Variants in ZFAND3 observed in about 807,000 individuals in gnomAD.
ZFAND3 encodes the protein AN1-type zinc finger protein 3.
In ZFAND3, 10 loss-of-function variants were observed where a neutral mutation model predicts 29.6. The observed-to-expected ratio is 0.34, with a 90% CI of 0.21 to 0.57. The LOEUF (loss-of-function observed/expected upper bound fraction) is 0.57, where lower values mean the gene tolerates loss of function less well. ZFAND3 is among the 20% of genes least tolerant of loss of function. ZFAND3 has a pLI of 0.86. For missense variants in ZFAND3, 230 were observed against 304.5 expected, an observed-to-expected ratio of 0.76 and a Z score of 1.82; for synonymous variants, 128 against 112.6, an observed-to-expected ratio of 1.14 and a Z score of -0.87.
chr6:37,966,810 G>A (rs560061477), intron 2 of ZFAND3, among the ~76,000 whole-genome samples: 19 of 152,172 alleles, frequency 1.2e-4, no homozygotes, highest in African/African-American at 4.1e-4. Flanking sequence ...TATAGCACAC[G>A]TCCCCATAAT....
At chr6:37,900,716 A>G (rs1181699277) in intron 1 of ZFAND3, among the ~76,000 whole-genome samples, 1 of 152,206 alleles carries the variant, frequency 6.6e-6, no homozygotes, top group Non-Finnish European at 1.5e-5. Context: ...CTATGGAAAT[A>G]TATCAGTAAA....
At chr6:37,828,719 GCT>G (rs1763802959) in intron 1 of ZFAND3, among the ~76,000 whole-genome samples, 1 of 151,964 alleles carries the variant, frequency 6.6e-6, no homozygotes, top group African/African-American at 2.4e-5. Flanking sequence ...CGCCATCTTG[GCT>G]CACTGCAACC....
At chr6:37,884,487 T>A in intron 1 of ZFAND3, among the ~76,000 whole-genome samples, 1 of 81,144 alleles carries the variant, frequency 1.2e-5, no homozygotes. Flanking sequence ...AGAGCGAAAC[T>A]CTAGCTCAAA....
intron 1 of ZFAND3, among the ~76,000 whole-genome samples, chr6:37,872,613 A>G (rs1206579430): frequency 6.6e-6 from 1 of 152,052 alleles, no homozygotes. Flanking sequence ...TTTGCTTGTT[A>G]CTGAAATTTA....
At chr6:37,908,754 A>G (rs1176950482) in intron 1 of ZFAND3, among the ~76,000 whole-genome samples, 1 of 150,764 alleles carries the variant, frequency 6.6e-6, no homozygotes, top group Admixed American at 6.6e-5. Flanking sequence ...AAAAAAAAAA[A>G]AAAAAAGAAA....
At chr6:37,952,656 G>C (rs1184284455) in intron 2 of ZFAND3, among the ~76,000 whole-genome samples, 1 of 152,064 alleles carries the variant, frequency 6.6e-6, no homozygotes, top group Non-Finnish European at 1.5e-5. Context: ...TCAAATGTCT[G>C]TGGGGGTCCT....
intron 5 of ZFAND3, among the ~76,000 whole-genome samples, chr6:38,146,043 C>G (rs1170241414): frequency 6.6e-6 from 1 of 152,210 alleles, no homozygotes; most frequent in Non-Finnish European, 1.5e-5. Context: ...AGTGATTGCT[C>G]TACCCCCATC....
intron 2 of ZFAND3, among the ~76,000 whole-genome samples, chr6:38,021,399 A>G (rs2127447564): frequency 6.6e-6 from 1 of 152,326 alleles, no homozygotes; most frequent in South Asian, 2.1e-4. Context: ...TATCTTCTTC[A>G]TATGAGTTAG....
At chr6:38,083,249 T>G (rs931100858) in intron 4 of ZFAND3, among the ~76,000 whole-genome samples, 1 of 152,178 alleles carries the variant, frequency 6.6e-6, no homozygotes, top group African/African-American at 2.4e-5. Flanking sequence ...CCTCAGCTCC[T>G]TTAAATGCTC....
intron 2 of ZFAND3, among the ~76,000 whole-genome samples, chr6:38,020,748 A>G (rs1224054062): frequency 2.0e-5 from 3 of 152,172 alleles, no homozygotes; most frequent in Non-Finnish European, 4.4e-5. Flanking sequence ...TTCTGCCAGA[A>G]TCACTTCAGG....
intron 1 of ZFAND3, among the ~76,000 whole-genome samples, chr6:37,859,862 G>GTTTT (rs55850662): frequency 3.8e-5 from 5 of 133,316 alleles, no homozygotes; most frequent in African/African-American, 5.5e-5. Context: ...GCTGGAGTGG[G>GTTTT]TTTTTTTTTT....
chr6:38,046,940 A>G (rs1266727323), intron 2 of ZFAND3, among the ~76,000 whole-genome samples: 1 of 152,014 alleles, frequency 6.6e-6, no homozygotes, highest in Non-Finnish European at 1.5e-5. Context: ...CCCAGCCCAC[A>G]TTGTCTAGTA....
chr6:38,111,776 A>C (rs1436150744), intron 4 of ZFAND3, among the ~76,000 whole-genome samples: 3 of 152,170 alleles, frequency 2.0e-5, no homozygotes, highest in African/African-American at 7.2e-5. Context: ...TTACTAGCTA[A>C]ATTTTGAGGG....
intron 1 of ZFAND3, among the ~76,000 whole-genome samples, chr6:37,838,534 A>G (rs181229951): frequency 1.3e-5 from 2 of 152,326 alleles, no homozygotes; most frequent in Non-Finnish European, 2.9e-5. Flanking sequence ...TTCTGGTTCT[A>G]TGGATTTGCC....
intron 1 of ZFAND3, among the ~76,000 whole-genome samples, chr6:37,841,704 C>T (rs572528373): frequency 7.9e-5 from 12 of 152,238 alleles, no homozygotes; most frequent in Non-Finnish European, 1.5e-4. Context: ...AGGATGGTCT[C>T]GATCTCCTCA....
In ZFAND3 at chr6:38,026,787, CAGAG is replaced by C. The variant is rs71907088; in HGVS notation, c.113-34785_113-34782del. 4.7e-3 allele frequency among the ~76,000 whole-genome samples: 695 copies of C among 149,014 alleles called. 6 individuals carry two copies. The highest frequency in any genetic ancestry group is 7.9e-3 in the Non-Finnish European group (532 of 67,184). On this transcript the variant is annotated intron_variant, in intron 2 of 5. Coordinates refer to ENST00000287218, the MANE Select transcript of ZFAND3 (RefSeq NM_021943.3). ...TTATGGCTCTTTGCATTTTAATAAC[CAGAG>C]AGAGAGAGAGAGAGAGAGAGTGTAA...
intron 2 of ZFAND3, among the ~76,000 whole-genome samples, chr6:37,952,804 G>C (rs1429998941): frequency 1.3e-5 from 2 of 151,654 alleles, no homozygotes; most frequent in African/African-American, 2.4e-5. Context: ...AGGGTTCCCA[G>C]CTTCCTTCTC....
At chr6:37,958,453 CAA>C (rs11356169) in intron 2 of ZFAND3, among the ~76,000 whole-genome samples, 7,348 of 114,688 alleles carry the variant, frequency 0.064, 214 homozygotes, top group Middle Eastern at 0.12. Flanking sequence ...GACTCGGTCT[CAA>C]AAAAAAAAAA....
chr6:38,038,479 G>T, intron 2 of ZFAND3, among the ~76,000 whole-genome samples: 1 of 151,970 alleles, frequency 6.6e-6, no homozygotes, highest in African/African-American at 2.4e-5. Flanking sequence ...ATTTTAATTG[G>T]GTTTGGAAAT....
Sources: allele counts gnomAD v4.1 joint callset (sites outside exome capture counted in the v4.1 genomes callset), GRCh38; gene constraint gnomAD v4.1.1; transcripts MANE v1.5; gene names NCBI Gene and HGNC (gene_info 2026-07-23, HGNC 2026-07-21).